The following PCBP2 variants were observed in gnomAD, a reference collection of about 807,000 sequenced individuals.
PCBP2 encodes poly(rC) binding protein 2, also known as poly(rC)-binding protein 2.
PCBP2 carries 4 observed loss-of-function variants against 50.1 expected under a neutral mutation model. The ratio of observed to expected loss-of-function variants is 0.08; its 90% CI spans 0.04 to 0.18. PCBP2 has a LOEUF of 0.18. Ranked by LOEUF, PCBP2 falls within the 10% of genes least tolerant of loss-of-function variation. PCBP2 has a pLI of 1.00. For missense variants in PCBP2, 161 were observed against 474.3 expected (o/e 0.34, Z 6.14); for synonymous variants, 179 against 168.0 (o/e 1.07, Z -0.51).
chr12:53,470,449 G>T (rs1005332312), intron 13 of PCBP2, among the ~76,000 whole-genome samples: 7 of 148,582 alleles, frequency 4.7e-5, no homozygotes, highest in Non-Finnish European at 1.0e-4. Flanking sequence ...CTGTTGCCCA[G>T]GCTGGAGCAG....
At position 53,468,770 on chromosome 12, in the gene PCBP2, CTT is replaced by C; in HGVS notation, c.827-4_827-3del. On this transcript the variant is annotated splice_polypyrimidine_tract_variant and splice_region_variant and intron_variant, in intron 12 of 14. Transcript: ENST00000546463. ...ATTGAATTTGCTTGCTCTCTTCTGT[CTT>C]TTAGCAGGTTTGGATGCATCTGCTC... 1.2e-6 allele frequency: 2 copies of C among 1,611,130 alleles called. No individual in the cohort carries two copies. The highest frequency in any genetic ancestry group is 1.7e-6 in the Non-Finnish European group (2 of 1,177,314).
intron 14 of PCBP2, among the ~76,000 whole-genome samples, chr12:53,477,017 C>T (rs538534764): frequency 4.5e-4 from 68 of 152,214 alleles, no homozygotes; most frequent in African/African-American, 1.6e-3. Context: ...TCCAAAGGGC[C>T]TCAGTTTTAA....
intron 5 of PCBP2, 78 bp from the exon 6 acceptor site, chr12:53,459,194 A>T: frequency 4.8e-5 from 59 of 1,237,640 alleles, no homozygotes; most frequent in Non-Finnish European, 6.0e-5. Context: ...CACTTACCCT[A>T]ATAAGGGTAA....
intron 9 of PCBP2, among the ~76,000 whole-genome samples, chr12:53,465,330 T>C (rs544595292): frequency 1.7e-4 from 26 of 151,914 alleles, no homozygotes; most frequent in Non-Finnish European, 3.7e-4. Flanking sequence ...GAGCTGCAAA[T>C]GCCTATGGAG....
intron 9 of PCBP2, 49 bp downstream of exon 9, chr12:53,464,901 A>G: frequency 6.5e-7 from 1 of 1,544,952 alleles, no homozygotes; most frequent in Non-Finnish European, 8.7e-7. Context: ...CTTCCGCCTC[A>G]GCCGAGACTG....
At chr12:53,455,778 T>G in intron 4 of PCBP2, 107 bp from the exon 5 acceptor site, 1 of 796,360 alleles carries the variant, frequency 1.3e-6, no homozygotes, top group Non-Finnish European at 2.1e-6. Flanking sequence ...CTGACTTTGC[T>G]TTGCATCAGG....
In PCBP2 at chr12:53,479,480, C is replaced by T; in HGVS notation, c.*38C>T. ...TCATCCATAATCCCTTTCTGCTGTT[C>T]ACCACCACCCATGATCCATCTGTGT... On this transcript the variant is annotated 3_prime_UTR_variant, in exon 15 of 15. Coordinates refer to ENST00000546463, the MANE Select transcript of PCBP2 (RefSeq NM_031989.5). The T allele has an allele frequency of 1.3e-6, 2 of 1,563,640 alleles. No homozygotes were observed. The highest frequency in any genetic ancestry group is 1.8e-6 in the Non-Finnish European group (2 of 1,135,296).
intron 9 of PCBP2, 32 bp from the exon 10 acceptor site, chr12:53,465,900 T>G: frequency 6.3e-7 from 1 of 1,595,628 alleles, no homozygotes; most frequent in Non-Finnish European, 8.6e-7. Flanking sequence ...CGTGATTGGT[T>G]TTTAATAGGA....
rs1424618591 is a variant in PCBP2, at chr12:53,455,962, C to T, written c.204C>T (p.Ile68=). Residue 68 remains isoleucine (I), a synonymous_variant, in exon 5 of 15, where the codon ATC becomes ATT. Coordinates refer to ENST00000546463, the MANE Select transcript of PCBP2 (RefSeq NM_031989.5). ...CTTTGGCTGGACCCACTAATGCCAT[C>T]TTCAAAGCCTTTGCTATGATCATTG... ...IITLAGPTNA[I]FKAFAMIIDK... is the part of the protein sequence containing the mutation. The T allele has an allele frequency of 1.9e-6, 3 of 1,612,932 alleles. No individual in the cohort carries two copies. Among genetic ancestry groups the T allele is most frequent in the Admixed American group, 3.3e-5 (2 of 60,028 alleles).
intron 14 of PCBP2, among the ~76,000 whole-genome samples, chr12:53,477,351 A>C (rs1051953250): frequency 6.6e-6 from 1 of 152,046 alleles, no homozygotes; most frequent in Non-Finnish European, 1.5e-5. Context: ...AATTGGCACG[A>C]ATCTACCCCC....
At position 53,467,302 on chromosome 12, in the gene PCBP2, A is replaced by G; in HGVS notation, c.787+9A>G. On this transcript the variant is annotated intron_variant, in intron 11 of 14. Transcript: ENST00000546463. The stretch of plus-strand genomic sequence containing the variant: ...CAACACCGGATTCAGTGGTATGGAT[A>G]CCTCAGTGTTTATTTCTGTAAGGTG... The G allele has an allele frequency of 1.9e-6, 3 of 1,606,016 alleles. No individual in the cohort carries two copies. The highest frequency in any genetic ancestry group is 1.1e-5 in the South Asian group (1 of 90,920).
At chr12:53,464,265 A>T (rs1315766374) in intron 8 of PCBP2, among the ~76,000 whole-genome samples, 2 of 145,554 alleles carry the variant, frequency 1.4e-5, no homozygotes, top group Admixed American at 6.9e-5. Context: ...TTTTTTTTCC[A>T]CTCCCCATCA....
chr12:53,455,003 GAAGT>G, intron 2 of PCBP2, 134 bp downstream of exon 2: 1 of 775,160 alleles, frequency 1.3e-6, no homozygotes. Flanking sequence ...TAATGGAGTA[GAAGT>G]GAGTGTAGTG....
intron 2 of PCBP2, among the ~76,000 whole-genome samples, 169 bp from the exon 3 acceptor site, chr12:53,455,178 T>C (rs746092396): frequency 2.0e-5 from 3 of 152,236 alleles, no homozygotes; most frequent in Non-Finnish European, 4.4e-5. Flanking sequence ...CTTTCCAATC[T>C]TTTGGGGTAA....
chr12:53,473,750 C>G (rs572100243), intron 14 of PCBP2, among the ~76,000 whole-genome samples: 1 of 151,450 alleles, frequency 6.6e-6, no homozygotes, highest in African/African-American at 2.4e-5. Context: ...AGTTTAAATG[C>G]AGAAGTCAAA....
chr12:53,474,769 AC>A, intron 14 of PCBP2: 2 of 343,516 alleles, frequency 5.8e-6, no homozygotes, highest in Middle Eastern at 1.0e-3. Context: ...AGAGGCACTT[AC>A]TGATATAACT....
In PCBP2 at chr12:53,464,809, C is replaced by A; in HGVS notation, c.629C>A (p.Pro210Gln). Residue 210 changes from proline (P) to glutamine (Q), a missense_variant, in exon 9 of 15, where the codon CCG becomes CAG. Coordinates refer to ENST00000546463, the MANE Select transcript of PCBP2 (RefSeq NM_031989.5). Reference protein sequence around the residue: ...SDSASFPHTTPSMCLNPDLEG... With the variant: ...SDSASFPHTTQSMCLNPDLEG... ...AGTGCGAGCTTTCCCCACACCACCCCGTCCATGTGCCTCAACCCTGACCTG... is the reference window on the plus strand; with the variant it reads ...AGTGCGAGCTTTCCCCACACCACCCAGTCCATGTGCCTCAACCCTGACCTG... The A allele has an allele frequency of 6.2e-7, 1 of 1,612,064 alleles. No individual in the cohort carries two copies. The highest frequency in any genetic ancestry group is 8.5e-7 in the Non-Finnish European group (1 of 1,179,144).
At chr12:53,470,926 A>G (rs1050084037) in intron 13 of PCBP2, among the ~76,000 whole-genome samples, 1 of 151,966 alleles carries the variant, frequency 6.6e-6, no homozygotes, top group African/African-American at 2.4e-5. Flanking sequence ...GTCTAAATTT[A>G]TTTTTGTTTT....
intron 8 of PCBP2, among the ~76,000 whole-genome samples, chr12:53,464,295 CTT>C (rs1000356649): frequency 6.6e-6 from 1 of 151,682 alleles, no homozygotes; most frequent in African/African-American, 2.4e-5. Context: ...CTTCATACCT[CTT>C]TGCTTCCCTA....
Sources: allele counts gnomAD v4.1 joint callset (sites outside exome capture counted in the v4.1 genomes callset), GRCh38; gene constraint gnomAD v4.1.1; transcripts MANE v1.5; gene names NCBI Gene and HGNC (gene_info 2026-07-23, HGNC 2026-07-21).